IQSEC1: variants seen among roughly 807,000 people sequenced by gnomAD.
The protein encoded by IQSEC1 is IQ motif and Sec7 domain ArfGEF 1, also known as IQ motif and SEC7 domain-containing protein 1.
In IQSEC1, 31 loss-of-function variants were observed where a neutral mutation model predicts 91.0. The observed-to-expected ratio is 0.34, with a 90% CI of 0.26 to 0.46. The LOEUF is 0.46. Ranked by LOEUF, IQSEC1 falls within the 20% of genes least tolerant of loss-of-function variation. IQSEC1 has a pLI of 1.00. For missense variants in IQSEC1, 1,388 were observed against 1,575.6 expected (o/e 0.88, Z 2.02); for synonymous variants, 699 against 662.6 (o/e 1.05, Z -0.84).
At position 12,935,774 on chromosome 3, in the gene IQSEC1, C is replaced by A; in HGVS notation, c.1242G>T (p.Lys414Asn). ...ACTCAGGCTCCTCCCGGGGGAGGCT[C>A]TTGGGGGCGCCGCTGTGGGGACCAT... ...PKHGPHSGAP[K>N]SLPREEPELR... The change falls in exon 3 of 14, where the codon AAG becomes AAT. Residue 414 changes from lysine (K) to asparagine (N), a missense_variant. Physicochemically the swap from Lys to Asn is moderately conservative, Grantham distance 94. Around this residue, in one of 2 missense-constraint regions of IQSEC1, gnomAD observed 1,059 missense variants for 1,317.8 expected, o/e 0.80. Transcript: ENST00000613206. This position sits in a 1 kb window ranked among gnomAD's most constrained non-coding sequence, Gnocchi z 8.0. 3.1e-6 allele frequency: 5 copies of A among 1,607,874 alleles called. No individual in the cohort carries two copies. In the South Asian group the frequency reaches 5.5e-5, roughly 18 times the overall value.
intron 1 of IQSEC1, among the ~76,000 whole-genome samples, chr3:13,233,093 C>T (rs982859874): frequency 2.6e-5 from 4 of 152,062 alleles, no homozygotes; most frequent in East Asian, 1.9e-4. Flanking sequence ...CTAATGCCAC[C>T]GCAATGTGCA....
chr3:13,105,451 G>A lies in IQSEC1; in HGVS notation c.303-57929C>T, dbSNP rs142554935. The stretch of plus-strand genomic sequence containing the variant: ...CGCTCCCACCAGTCCCACCCCTGCC[G>A]GCAGGGACAGAACCTCTGGCTTTGA... On this transcript the variant is annotated intron_variant, in intron 2 of 15. Transcript: ENST00000648114. Among the ~76,000 whole-genome samples the A allele has an allele frequency of 2.4e-3, 370 of 152,244 alleles. 1 individual carries two copies. Among genetic ancestry groups the A allele is most frequent in the Admixed American group, 6.5e-3 (100 of 15,298 alleles).
chr3:13,256,023 A>C (rs1007332917), intron 1 of IQSEC1, among the ~76,000 whole-genome samples: 6 of 152,306 alleles, frequency 3.9e-5, no homozygotes, highest in African/African-American at 1.2e-4. Flanking sequence ...CACCACAAAG[A>C]GTGAAGTGGT....
intron 2 of IQSEC1, among the ~76,000 whole-genome samples, chr3:13,160,186 C>T (rs1306043411): frequency 1.3e-5 from 2 of 152,142 alleles, no homozygotes; most frequent in Admixed American, 6.5e-5. Flanking sequence ...CCTGCTGCTC[C>T]GGAGGCTAAG....
chr3:13,128,243 T>G (rs763638024), intron 2 of IQSEC1, among the ~76,000 whole-genome samples: 2 of 152,238 alleles, frequency 1.3e-5, no homozygotes, highest in African/African-American at 2.4e-5. Flanking sequence ...TTGTTCCCAG[T>G]CTTTGGGAGA....
intron 8 of IQSEC1, among the ~76,000 whole-genome samples, chr3:12,914,049 A>T (rs1241943763): frequency 6.6e-6 from 1 of 152,242 alleles, no homozygotes; most frequent in Non-Finnish European, 1.5e-5. Flanking sequence ...CCAGGATCCA[A>T]TTCCAGGCCC....
chr3:13,102,119 A>G (rs1000730503), intron 2 of IQSEC1, among the ~76,000 whole-genome samples: 1 of 151,952 alleles, frequency 6.6e-6, no homozygotes, highest in Non-Finnish European at 1.5e-5. Context: ...CTCTACAAAA[A>G]ATGCAAAAAT....
At position 12,935,888 on chromosome 3, in the gene IQSEC1, C is replaced by A; in HGVS notation, c.1128G>T (p.Val376=). ...CCCGCTCCGAGCGGTCACTAAGGTC[C>A]ACAGAGCTGTCGCTGGGTGGCTCGA... ...LTIEPPSDSS[V]DLSDRSERGS... The change falls in exon 3 of 14, where the codon GTG becomes GTT. Residue 376 remains valine, a synonymous_variant. Coordinates refer to ENST00000613206, the MANE Select transcript of IQSEC1 (RefSeq NM_001134382.3). This position sits in a 1 kb window ranked among gnomAD's most constrained non-coding sequence, Gnocchi z 8.0. 7 of 1,605,108 alleles carry A rather than the reference C, an allele frequency of 4.4e-6. No homozygotes were observed. Among genetic ancestry groups the A allele is most frequent in the Non-Finnish European group, 5.9e-6 (7 of 1,179,810 alleles).
chr3:13,186,271 G>A (rs966338993), intron 1 of IQSEC1, among the ~76,000 whole-genome samples: 1 of 152,206 alleles, frequency 6.6e-6, no homozygotes, highest in Non-Finnish European at 1.5e-5. Context: ...CTGCCTCTGG[G>A]TGGAAGCTCT....
chr3:13,204,669 G>A (rs569044053), intron 1 of IQSEC1, among the ~76,000 whole-genome samples: 10 of 152,358 alleles, frequency 6.6e-5, no homozygotes, highest in Non-Finnish European at 1.5e-5. Flanking sequence ...TAGGCGCTCA[G>A]AAGGGGCGGC....
At chr3:13,098,656 G>A (rs1439911987) in intron 2 of IQSEC1, among the ~76,000 whole-genome samples, 2 of 152,118 alleles carry the variant, frequency 1.3e-5, no homozygotes, top group Non-Finnish European at 2.9e-5. Context: ...GAAAATGGAT[G>A]GCTAAAAATA....
At chr3:12,950,221 G>C (rs1699450412) in intron 1 of IQSEC1, among the ~76,000 whole-genome samples, 1 of 152,248 alleles carries the variant, frequency 6.6e-6, no homozygotes, top group Non-Finnish European at 1.5e-5. Context: ...CCACAGAGCA[G>C]AGCCAAGATT....
chr3:12,940,249 G>A lies in IQSEC1; in HGVS notation c.318+1322C>T, dbSNP rs1053309964. Among the ~76,000 whole-genome samples, 1 of 151,862 alleles carries A rather than the reference G, an allele frequency of 6.6e-6. No individual in the cohort carries two copies. The highest frequency in any genetic ancestry group is 1.5e-5 in the Non-Finnish European group (1 of 67,978). On this transcript the variant is annotated intron_variant, in intron 2 of 13. Transcript: ENST00000613206. This position sits in a 1 kb window ranked among gnomAD's most constrained non-coding sequence, Gnocchi z 4.4. ...AGCCAGGTGAGGAAGGGGCTGATGG[G>A]GGCTTCCCTGTCAAGAGAGTGGACG...
At chr3:12,953,860 C>G (rs1699726735) in intron 1 of IQSEC1, among the ~76,000 whole-genome samples, 1 of 152,228 alleles carries the variant, frequency 6.6e-6, no homozygotes, top group Non-Finnish European at 1.5e-5. Context: ...CCTACCTGCA[C>G]AGTGGGGGCA....
intron 1 of IQSEC1, among the ~76,000 whole-genome samples, chr3:13,236,953 C>T (rs954687174): frequency 6.6e-6 from 1 of 152,236 alleles, no homozygotes; most frequent in Non-Finnish European, 1.5e-5. Flanking sequence ...GCCGAGGGCC[C>T]GGCCCGGGCG....
chr3:13,001,912 A>G (rs1702438571), intron 1 of IQSEC1, among the ~76,000 whole-genome samples: 1 of 152,226 alleles, frequency 6.6e-6, no homozygotes, highest in East Asian at 1.9e-4. Context: ...TACAAAAATC[A>G]GCCAGGCGTG....
intron 1 of IQSEC1, among the ~76,000 whole-genome samples, chr3:13,280,419 C>G (rs1695766597): frequency 6.6e-6 from 1 of 152,200 alleles, no homozygotes; most frequent in African/African-American, 2.4e-5. Context: ...GCTGAGCAGC[C>G]CCGGGGGGGC....
At chr3:13,265,235 G>A (rs1695467511) in intron 1 of IQSEC1, among the ~76,000 whole-genome samples, 1 of 152,186 alleles carries the variant, frequency 6.6e-6, no homozygotes, top group Non-Finnish European at 1.5e-5. Flanking sequence ...GCTAGATGCT[G>A]CCCTAACTGT....
At chr3:13,229,262 G>T (rs529413400) in intron 1 of IQSEC1, among the ~76,000 whole-genome samples, 1 of 152,182 alleles carries the variant, frequency 6.6e-6, no homozygotes, top group Non-Finnish European at 1.5e-5. Flanking sequence ...GTATGGTGAG[G>T]TTCTCTCACA....
Sources: allele counts gnomAD v4.1 joint callset (sites outside exome capture counted in the v4.1 genomes callset), GRCh38; gene constraint gnomAD v4.1.1; regional missense constraint gnomAD v4.1.1; non-coding constraint Gnocchi (gnomAD v3.1); transcripts MANE v1.5; gene names NCBI Gene and HGNC (gene_info 2026-07-23, HGNC 2026-07-21).